Variants in CFTR observed in about 807,000 individuals in gnomAD.
The protein encoded by CFTR is cystic fibrosis transmembrane conductance regulator.
CFTR carries 181 observed loss-of-function variants against 171.6 expected under a neutral mutation model. That is an observed-to-expected ratio of 1.05 (90% CI 0.93 to 1.19). The LOEUF is 1.19. Ranked by LOEUF, CFTR falls within the 50% of genes most tolerant of loss-of-function variation. The pLI is 0.00. For missense variants in CFTR, 1,968 were observed against 1,734.7 expected, an observed-to-expected ratio of 1.13 and a Z score of -2.39; for synonymous variants, 583 against 608.0, an observed-to-expected ratio of 0.96 and a Z score of 0.60.
At position 117,591,949 on chromosome 7, in the gene CFTR, G is replaced by T. The variant is rs2116030062; in HGVS notation, c.1782G>T (p.Leu594=). The change falls in exon 14 of 27, where the codon CTG becomes CTT. Residue 594 remains leucine, a synonymous_variant. Transcript: ENST00000003084. ...TATCTTAAAGCTGTGTCTGTAAACT[G>T]ATGGCTAACAAAACTAGGATTTTGG... is the stretch of plus-strand genomic sequence containing the variant. The part of the protein sequence containing the change: ...KEIFESCVCK[L]MANKTRILVT... 1.9e-6 allele frequency: 3 copies of T among 1,584,778 alleles called. No individual in the cohort carries two copies.
chr7:117,488,159 A>G (rs1464480984), intron 1 of CFTR, among the ~76,000 whole-genome samples: 5 of 152,292 alleles, frequency 3.3e-5, no homozygotes, highest in East Asian at 1.9e-4. Context: ...AGTCTCTGCA[A>G]TAGACAATAT....
chr7:117,658,536 A>G (rs1287730128), intron 24 of CFTR, among the ~76,000 whole-genome samples: 2 of 152,124 alleles, frequency 1.3e-5, no homozygotes, highest in African/African-American at 4.8e-5. Flanking sequence ...GCCTATTCCC[A>G]GAGCTTTCCA....
intron 1 of CFTR, among the ~76,000 whole-genome samples, chr7:117,492,046 A>G (rs1227447745): frequency 6.6e-6 from 1 of 152,132 alleles, no homozygotes; most frequent in African/African-American, 2.4e-5. Context: ...CAAGAAGGTC[A>G]TAAGAAAAAG....
intron 1 of CFTR, among the ~76,000 whole-genome samples, chr7:117,486,700 A>T: frequency 6.6e-6 from 1 of 151,868 alleles, no homozygotes; most frequent in Non-Finnish European, 1.5e-5. Context: ...AAACTCTAGC[A>T]GGGGCCAGAT....
chr7:117,559,669 T>C lies in CFTR; in HGVS notation c.1584+14T>C. The C allele has an allele frequency of 1.2e-6, 2 of 1,602,574 alleles. No individual in the cohort carries two copies. Among genetic ancestry groups the C allele is most frequent in the Non-Finnish European group, 1.7e-6 (2 of 1,170,522 alleles). ...CAACTAGAAGAGGTAAGAAACTATG[T>C]GAAAACTTTTTGATTATGCATATGA... On this transcript the variant is annotated intron_variant, in intron 11 of 26. Transcript: ENST00000003084.
chr7:117,562,494 G>T (rs1025663153), intron 11 of CFTR, among the ~76,000 whole-genome samples: 1 of 152,136 alleles, frequency 6.6e-6, no homozygotes, highest in Non-Finnish European at 1.5e-5. Flanking sequence ...GATCCTGAAG[G>T]TTTGAACTGT....
chr7:117,509,795 C>A (rs1798486326), intron 3 of CFTR, among the ~76,000 whole-genome samples: 1 of 152,112 alleles, frequency 6.6e-6, no homozygotes, highest in South Asian at 2.1e-4. Flanking sequence ...TTTTCTACAT[C>A]ATGAAAGCAT....
chr7:117,577,835 G>C (rs934545604), intron 11 of CFTR, among the ~76,000 whole-genome samples: 1 of 152,058 alleles, frequency 6.6e-6, no homozygotes, highest in Non-Finnish European at 1.5e-5. Context: ...TGGGGCAAAT[G>C]AATTCTTATG....
At chr7:117,544,219 G>A (rs1178470338) in intron 9 of CFTR, among the ~76,000 whole-genome samples, 1 of 151,702 alleles carries the variant, frequency 6.6e-6, no homozygotes, top group African/African-American at 2.4e-5. Flanking sequence ...TTTTGGAGAA[G>A]GAAGTGCTAT....
chr7:117,563,820 A>G (rs1331057923), intron 11 of CFTR, among the ~76,000 whole-genome samples: 2 of 152,184 alleles, frequency 1.3e-5, no homozygotes, highest in Non-Finnish European at 2.9e-5. Context: ...ATTTCAAAGT[A>G]TCCCTGAGTC....
intron 11 of CFTR, among the ~76,000 whole-genome samples, chr7:117,573,092 A>C (rs1169152506): frequency 6.6e-6 from 1 of 151,686 alleles, no homozygotes; most frequent in Admixed American, 6.6e-5. Flanking sequence ...ATATAGCAAC[A>C]CCCTATATCA....
intron 3 of CFTR, among the ~76,000 whole-genome samples, chr7:117,514,124 G>A (rs1369584396): frequency 6.6e-6 from 1 of 152,126 alleles, no homozygotes; most frequent in African/African-American, 2.4e-5. Context: ...TAGATCTAAG[G>A]TGAGGAAATT....
At chr7:117,571,320 A>G (rs1387781729) in intron 11 of CFTR, among the ~76,000 whole-genome samples, 2 of 152,228 alleles carry the variant, frequency 1.3e-5, no homozygotes, top group African/African-American at 4.8e-5. Flanking sequence ...ATTTCAAGAT[A>G]GCACAATAAT....
At chr7:117,519,836 AT>A (rs1389690284) in intron 3 of CFTR, among the ~76,000 whole-genome samples, 2 of 151,858 alleles carry the variant, frequency 1.3e-5, no homozygotes, top group East Asian at 3.9e-4. Context: ...AATTGCCTCC[AT>A]TTTTTTATTA....
intron 10 of CFTR, among the ~76,000 whole-genome samples, chr7:117,559,191 A>G (rs536068221): frequency 6.6e-6 from 1 of 152,162 alleles, no homozygotes; most frequent in African/African-American, 2.4e-5. Context: ...CTCCAAACCT[A>G]TTCCAACTAT....
intron 22 of CFTR, 42 bp from the exon 23 acceptor site, chr7:117,642,396 C>T (rs1040387548): frequency 1.9e-6 from 3 of 1,556,918 alleles, no homozygotes; most frequent in African/African-American, 2.7e-5. Context: ...TGGCATGGTA[C>T]CTATATGTCA....
At chr7:117,615,243 C>A (rs1792467496) in intron 21 of CFTR, among the ~76,000 whole-genome samples, 1 of 151,976 alleles carries the variant, frequency 6.6e-6, no homozygotes, top group Admixed American at 6.6e-5. Context: ...CTAGTTTTTT[C>A]TTCCTTAATT....
chr7:117,646,232 T>A (rs569906628), intron 23 of CFTR, among the ~76,000 whole-genome samples: 3 of 152,288 alleles, frequency 2.0e-5, no homozygotes, highest in Admixed American at 2.0e-4. Context: ...TACAATATGC[T>A]GTGCTGTGGT....
chr7:117,564,870 T>G (rs1378206026), intron 11 of CFTR: 4 of 154,966 alleles, frequency 2.6e-5, no homozygotes, highest in Non-Finnish European at 5.9e-5. Context: ...TTTTTGCAAA[T>G]TATTCACTCA....
Sources: gnomAD v4.1 joint callset for allele counts (sites outside exome capture counted in the v4.1 genomes callset) on GRCh38, gnomAD v4.1.1 for gene constraint, MANE v1.5 for transcripts, NCBI Gene and HGNC (gene_info 2026-07-23, HGNC 2026-07-21) for gene names.